UNC13C: variants seen among roughly 807,000 people sequenced by gnomAD.
UNC13C encodes unc-13 homolog C, also known as protein unc-13 homolog C.
In UNC13C, 174 loss-of-function variants were observed where a neutral mutation model predicts 245.4. The observed-to-expected ratio is 0.71, with a 90% CI of 0.63 to 0.80. UNC13C has a LOEUF of 0.80. Ranked by LOEUF, UNC13C falls within the 30% of genes least tolerant of loss-of-function variation. The pLI is 0.00. For missense variants in UNC13C, 2,829 were observed against 2,602.9 expected, an observed-to-expected ratio of 1.09 and a Z score of -1.89; for synonymous variants, 992 against 895.1, an observed-to-expected ratio of 1.11 and a Z score of -1.93.
chr15:54,301,291 T>G (rs112949752), intron 13 of UNC13C, among the ~76,000 whole-genome samples: 6 of 17,598 alleles, frequency 3.4e-4, no homozygotes, highest in Admixed American at 1.3e-3. Context: ...TTTCTTTTGT[T>G]TTTTTTTTTT....
At chr15:54,609,011 A>G (rs1432378496) in intron 30 of UNC13C, among the ~76,000 whole-genome samples, 1 of 152,160 alleles carries the variant, frequency 6.6e-6, no homozygotes, top group African/African-American at 2.4e-5. Flanking sequence ...CTATTTCAAC[A>G]TTAGCTTCTA....
At chr15:54,622,778 C>A (rs1173619221) in intron 31 of UNC13C, among the ~76,000 whole-genome samples, 1 of 152,086 alleles carries the variant, frequency 6.6e-6, no homozygotes, top group East Asian at 1.9e-4. Flanking sequence ...TGATTTCCAA[C>A]AACTGGCTTA....
intron 4 of UNC13C, among the ~76,000 whole-genome samples, chr15:54,185,198 A>T (rs1284850218): frequency 6.6e-6 from 1 of 151,228 alleles, no homozygotes; most frequent in Non-Finnish European, 1.5e-5. Flanking sequence ...GGTTGCAAAA[A>T]TTTTTCTCCC....
At chr15:54,422,665 GT>G (rs2040672574) in intron 19 of UNC13C, among the ~76,000 whole-genome samples, 1 of 151,714 alleles carries the variant, frequency 6.6e-6, no homozygotes, top group African/African-American at 2.4e-5. Flanking sequence ...CTATGAAGCT[GT>G]TTCCCTTCTC....
At chr15:53,907,778 T>C in the UNC13C span, among the ~76,000 whole-genome samples, 2 of 114,768 alleles carry the variant, frequency 1.7e-5, no homozygotes, top group African/African-American at 5.3e-5. Context: ...TCTATCTTCA[T>C]TGCTACTATA....
the UNC13C span, among the ~76,000 whole-genome samples, chr15:53,856,305 T>TTTTA: frequency 6.6e-6 from 1 of 151,850 alleles, no homozygotes; most frequent in Non-Finnish European, 1.5e-5. Context: ...TATAATCTTG[T>TTTTA]TTTATTTATT....
In UNC13C at chr15:54,452,017, A is replaced by C. The variant is rs749389496; in HGVS notation, c.4933+36950A>C. Among the ~76,000 whole-genome samples, 11 of 152,164 alleles carry C rather than the reference A, an allele frequency of 7.2e-5. 1 individual carries two copies. The highest frequency in any genetic ancestry group is 1.3e-4 in the Non-Finnish European group (9 of 68,022). Reference sequence around the variant, plus strand: ...CAGTAGTGTATTATTTGTATCATTTATTTGACCATACACAGCCAAATCAGT... The same window carrying C: ...CAGTAGTGTATTATTTGTATCATTTCTTTGACCATACACAGCCAAATCAGT... On this transcript the variant is annotated intron_variant, in intron 19 of 32. Transcript: ENST00000260323.
At chr15:53,997,783 A>G (rs1894702543) in intron 1 of UNC13C, among the ~76,000 whole-genome samples, 1 of 151,828 alleles carries the variant, frequency 6.6e-6, no homozygotes, top group Admixed American at 6.6e-5. Flanking sequence ...TAATCCTCCA[A>G]TATTGTTTTA....
intron 1 of UNC13C, among the ~76,000 whole-genome samples, chr15:53,979,137 A>AG (rs1477727545): frequency 6.6e-6 from 1 of 152,040 alleles, no homozygotes; most frequent in Admixed American, 6.6e-5. Flanking sequence ...TTGCTTTTAA[A>AG]AAAAGAATTC....
intron 1 of UNC13C, among the ~76,000 whole-genome samples, chr15:53,994,264 A>G (rs1894519524): frequency 6.6e-6 from 1 of 151,806 alleles, no homozygotes; most frequent in South Asian, 2.1e-4. Context: ...CTATACTTAT[A>G]TGGAACGTAC....
rs112104212 is a variant in UNC13C at position 54,371,455 on chromosome 15, A to G, written c.4714-21593A>G. On this transcript the variant is annotated intron_variant, in intron 17 of 32. Coordinates refer to ENST00000260323, the MANE Select transcript of UNC13C (RefSeq NM_001080534.3). ...ACCCCATTAAGTTTCCAAGTTGAAT[A>G]AAGCGGAAGGCTTTATTCAAAATGT... Among the ~76,000 whole-genome samples the G allele has an allele frequency of 5.4e-3, 828 of 152,296 alleles. 2 individuals carry two copies. The highest frequency in any genetic ancestry group is 0.019 in the African/African-American group (791 of 41,566).
chr15:54,301,223 G>C (rs1213144759), intron 13 of UNC13C, among the ~76,000 whole-genome samples: 1 of 151,088 alleles, frequency 6.6e-6, no homozygotes, highest in Non-Finnish European at 1.5e-5. Context: ...GTCCAGATAA[G>C]AAGTCAATTT....
chr15:53,873,923 TCTTCCTTCCTTC>T, the UNC13C span, among the ~76,000 whole-genome samples: 54 of 47,610 alleles, frequency 1.1e-3, no homozygotes, highest in Middle Eastern at 0.011. Flanking sequence ...TTCCTTCCTT[TCTTCCTTCCTTC>T]CTTCCTTCCT....
intron 29 of UNC13C, among the ~76,000 whole-genome samples, chr15:54,566,998 TATC>T (rs1897543716): frequency 6.6e-6 from 1 of 152,102 alleles, no homozygotes; most frequent in South Asian, 2.1e-4. Context: ...ATAAATCTAT[TATC>T]ATTTATAAAC....
the UNC13C span, among the ~76,000 whole-genome samples, chr15:53,900,786 T>A: frequency 1.3e-5 from 2 of 152,202 alleles, no homozygotes; most frequent in South Asian, 4.1e-4. Context: ...AAATCTGCAA[T>A]CTTGATTGTG....
chr15:54,413,977 G>A (rs1283568389), intron 18 of UNC13C, among the ~76,000 whole-genome samples: 5 of 152,014 alleles, frequency 3.3e-5, no homozygotes, highest in Non-Finnish European at 7.4e-5. Context: ...AAAAAGACTC[G>A]GTCATCATAT....
At chr15:54,486,285 A>ACACACT (rs1253365774) in intron 19 of UNC13C, among the ~76,000 whole-genome samples, 1 of 145,732 alleles carries the variant, frequency 6.9e-6, no homozygotes, top group East Asian at 2.0e-4. Context: ...ACACACACAC[A>ACACACT]CACAATATCA....
At chr15:54,305,420 G>A (rs1006516222) in intron 13 of UNC13C, among the ~76,000 whole-genome samples, 1 of 151,956 alleles carries the variant, frequency 6.6e-6, no homozygotes, top group Admixed American at 6.6e-5. Flanking sequence ...TTCAGAGATA[G>A]TTTCCACCAT....
chr15:53,969,189 G>T, the UNC13C span, among the ~76,000 whole-genome samples: 1 of 152,066 alleles, frequency 6.6e-6, no homozygotes, highest in Non-Finnish European at 1.5e-5. Context: ...AAGAGAATCA[G>T]GGCAAGATAA....
Sources: allele counts gnomAD v4.1 joint callset (sites outside exome capture counted in the v4.1 genomes callset), GRCh38; gene constraint gnomAD v4.1.1; transcripts MANE v1.5; gene names NCBI Gene and HGNC (gene_info 2026-07-23, HGNC 2026-07-21).